LRP1B: variants seen among roughly 807,000 people sequenced by gnomAD.
LRP1B encodes the protein LDL receptor related protein 1B.
A neutral mutation model predicts 556.6 loss-of-function variants in LRP1B; 217 were observed. The observed-to-expected ratio is 0.39, with a 90% CI of 0.35 to 0.44. The LOEUF is 0.44. LRP1B is among the 20% of genes least tolerant of loss of function. The pLI is 1.00. For missense variants in LRP1B, 5,053 were observed against 5,620.8 expected, an observed-to-expected ratio of 0.90 and a Z score of 3.23; for synonymous variants, 2,047 against 1,865.8, an observed-to-expected ratio of 1.10 and a Z score of -2.50.
chr2:140,260,857 G>A (rs918089770), intron 86 of LRP1B, among the ~76,000 whole-genome samples: 6 of 151,422 alleles, frequency 4.0e-5, no homozygotes, highest in Admixed American at 2.0e-4. Flanking sequence ...TAATAATGTC[G>A]TAAACATTTA....
chr2:140,635,821 A>G (rs115814106), intron 41 of LRP1B, among the ~76,000 whole-genome samples: 1,809 of 152,230 alleles, frequency 0.012, 31 homozygotes, highest in African/African-American at 0.039. Flanking sequence ...GACCATTAAG[A>G]CAACTGATTG....
chr2:141,798,921 G>A (rs6742177), intron 2 of LRP1B, among the ~76,000 whole-genome samples: 84,249 of 151,126 alleles, frequency 0.56, 24,421 homozygotes, highest in African/African-American at 0.72. Flanking sequence ...TGGTGCCCTT[G>A]TGAGAAGATG....
intron 1 of LRP1B, among the ~76,000 whole-genome samples, chr2:141,987,228 C>T (rs1327818145): frequency 6.6e-6 from 1 of 151,834 alleles, no homozygotes; most frequent in Non-Finnish European, 1.5e-5. Context: ...TTACACGGAT[C>T]AAGTAAACAA....
intron 1 of LRP1B, among the ~76,000 whole-genome samples, chr2:141,815,078 C>T (rs558428255): frequency 6.6e-6 from 1 of 152,030 alleles, no homozygotes; most frequent in African/African-American, 2.4e-5. Flanking sequence ...CTGAGGGAAA[C>T]ATACCACTAG....
At chr2:140,583,403 T>A (rs1681860235) in intron 43 of LRP1B, among the ~76,000 whole-genome samples, 2 of 151,990 alleles carry the variant, frequency 1.3e-5, no homozygotes, top group African/African-American at 4.8e-5. Context: ...CTTGAACGCT[T>A]GGCTTCAAGT....
At position 140,766,844 on chromosome 2, in the gene LRP1B, T is replaced by TATATATATATATATA. The variant is rs1491148843; in HGVS notation, c.5758+2368_5758+2369insTATATATATATATAT. Among the ~76,000 whole-genome samples the TATATATATATATATA allele has an allele frequency of 4.9e-4, 27 of 54,916 alleles. No homozygotes were observed. The East Asian group carries it at 6.4e-3, about 13-fold the overall frequency. 36.0% of individuals were successfully genotyped at this position (54,916 alleles called of 152,430 possible). A position where few individuals can be genotyped will look rare whatever the true frequency, so the allele number is the denominator to read the frequency against. On this transcript the variant is annotated intron_variant, in intron 35 of 90. Transcript: ENST00000389484. ...TAAAATATATATATATATATATATA[T>TATATATATATATATA]TATATATATATATATATATATAATA... is the stretch of plus-strand genomic sequence containing the variant.
intron 2 of LRP1B, among the ~76,000 whole-genome samples, chr2:141,493,791 A>C (rs952620732): frequency 1.3e-5 from 2 of 152,180 alleles, no homozygotes; most frequent in Non-Finnish European, 2.9e-5. Flanking sequence ...GTTAAACTGC[A>C]TAGAGGAACT....
At chr2:141,461,389 G>A (rs1040962220) in intron 3 of LRP1B, among the ~76,000 whole-genome samples, 2 of 152,188 alleles carry the variant, frequency 1.3e-5, no homozygotes, top group African/African-American at 2.4e-5. Context: ...TGATAGAAAT[G>A]AAAGCTTGAC....
Position 140,324,047 on chromosome 2 carries a change from C to G in LRP1B, c.12360G>C (p.Arg4120Ser), listed in dbSNP as rs137873952. The G allele has an allele frequency of 6.2e-7, 1 of 1,606,958 alleles. No homozygotes were observed. Among genetic ancestry groups the G allele is most frequent in the Non-Finnish European group, 8.5e-7 (1 of 1,175,046 alleles). Residue 4120 changes from arginine (R) to serine (S), a missense_variant, in exon 81 of 91, where the codon AGG becomes AGC. By Grantham distance (110) the Arg-to-Ser change is moderately radical (BLOSUM62 -1). Transcript: ENST00000389484. ...SSKQGLLHPH[R>S]IDIFEDYIYG... ...ATATATAATCTTCAAAGATATCGAT[C>G]CTATGTGGATGTAATAAACCTGGAA...
intron 1 of LRP1B, among the ~76,000 whole-genome samples, chr2:142,010,656 C>G (rs1702933386): frequency 6.6e-6 from 1 of 151,948 alleles, no homozygotes; most frequent in Non-Finnish European, 1.5e-5. Flanking sequence ...CTCCCAGCCA[C>G]CCACAGTTAG....
intron 3 of LRP1B, among the ~76,000 whole-genome samples, chr2:141,415,259 T>C (rs1197655228): frequency 1.3e-5 from 2 of 152,096 alleles, no homozygotes; most frequent in Non-Finnish European, 2.9e-5. Context: ...GTGATCCGCC[T>C]GCCTCGGCCT....
At chr2:140,589,621 G>A (rs1203547960) in intron 43 of LRP1B, among the ~76,000 whole-genome samples, 1 of 152,144 alleles carries the variant, frequency 6.6e-6, no homozygotes, top group East Asian at 1.9e-4. Context: ...AAAGAGAACA[G>A]ACTAGTCATA....
At chr2:140,559,267 T>C (rs1193475158) in intron 43 of LRP1B, among the ~76,000 whole-genome samples, 1 of 151,896 alleles carries the variant, frequency 6.6e-6, no homozygotes, top group Non-Finnish European at 1.5e-5. Flanking sequence ...AAAGGAAAAC[T>C]AGATTAAAAA....
At chr2:141,340,907 C>T (rs781542286) in intron 3 of LRP1B, among the ~76,000 whole-genome samples, 1 of 152,132 alleles carries the variant, frequency 6.6e-6, no homozygotes, top group African/African-American at 2.4e-5. Flanking sequence ...ACATTTCAAA[C>T]TCAAGAGGAG....
chr2:140,255,450 AAT>A (rs1332582448), intron 86 of LRP1B, among the ~76,000 whole-genome samples: 1 of 152,162 alleles, frequency 6.6e-6, no homozygotes. Flanking sequence ...GTACAACACA[AAT>A]ATACTATATT....
chr2:141,140,617 C>T (rs1008877078), intron 7 of LRP1B, among the ~76,000 whole-genome samples: 3 of 152,080 alleles, frequency 2.0e-5, no homozygotes, highest in Non-Finnish European at 4.4e-5. Flanking sequence ...TGTGAGGACA[C>T]AGCAAGATGG....
At chr2:140,403,417 T>C (rs13032302) in intron 66 of LRP1B, among the ~76,000 whole-genome samples, 20,151 of 152,020 alleles carry the variant, frequency 0.13, 1,411 homozygotes, top group African/African-American at 0.18. Context: ...GAGATAGATG[T>C]CATGAATAAT....
At chr2:140,362,542 G>A (rs1349370414) in intron 72 of LRP1B, among the ~76,000 whole-genome samples, 1 of 151,610 alleles carries the variant, frequency 6.6e-6, no homozygotes, top group Non-Finnish European at 1.5e-5. Flanking sequence ...GGTAAATCCA[G>A]GAGTGCCTGT....
chr2:141,536,252 A>G (rs1685066548), intron 2 of LRP1B, among the ~76,000 whole-genome samples: 1 of 152,084 alleles, frequency 6.6e-6, no homozygotes, highest in African/African-American at 2.4e-5. Flanking sequence ...GCATTGACTT[A>G]CATTTTCCCA....
Sources: allele counts gnomAD v4.1 joint callset (sites outside exome capture counted in the v4.1 genomes callset), GRCh38; gene constraint gnomAD v4.1.1; transcripts MANE v1.5; gene names NCBI Gene and HGNC (gene_info 2026-07-23, HGNC 2026-07-21).